Variants in DNAH8 observed in about 807,000 individuals in gnomAD.
The protein encoded by DNAH8 is axonemal beta dynein heavy chain 8.
In DNAH8, 382 loss-of-function variants were observed where a neutral mutation model predicts 562.1. The ratio of observed to expected loss-of-function variants is 0.68; its 90% CI spans 0.63 to 0.74. The LOEUF (loss-of-function observed/expected upper bound fraction) is 0.74. DNAH8 is among the 30% of genes least tolerant of loss of function. The probability of loss-of-function intolerance (pLI) is 0.00; values close to 1 mark genes in which losing one functional copy is unlikely to be tolerated. For missense variants in DNAH8, 5,203 were observed against 5,620.4 expected, an observed-to-expected ratio of 0.93 and a Z score of 2.37; for synonymous variants, 1,881 against 1,919.4, an observed-to-expected ratio of 0.98 and a Z score of 0.52.
intron 41 of DNAH8, among the ~76,000 whole-genome samples, chr6:38,855,555 TGA>T (rs2150397309): frequency 6.6e-6 from 1 of 152,318 alleles, no homozygotes; most frequent in African/African-American, 2.4e-5. Context: ...GGGTGCATAG[TGA>T]TGTTTTGATG....
At position 38,990,144 on chromosome 6, in the gene DNAH8, T is replaced by C; in HGVS notation, c.13186T>C (p.Phe4396Leu). The C allele has an allele frequency of 6.2e-7, 1 of 1,611,940 alleles. No homozygotes were observed. Among genetic ancestry groups the C allele is most frequent in the Non-Finnish European group, 8.5e-7 (1 of 1,178,540 alleles). ...SLPSLDNPEV[F>L]GLHPNADITY... is the part of the protein sequence containing the mutation. ...GCCATCCCTAGATAACCCTGAAGTC[T>C]TTGGGCTTCACCCTAATGCTGATAT... The change falls in exon 88 of 93, where the codon TTT becomes CTT. Residue 4396 changes from phenylalanine (F) to leucine (L), a missense_variant. This residue lies in a region of DNAH8 where 1,399 missense variants were observed against 1,518.4 expected (regional missense o/e 0.92). Transcript: ENST00000327475.
At chr6:38,945,742 T>C (rs963219239) in intron 80 of DNAH8, among the ~76,000 whole-genome samples, 154 bp downstream of exon 80, 2 of 152,198 alleles carry the variant, frequency 1.3e-5, no homozygotes, top group African/African-American at 4.8e-5. Context: ...GGGAGAGATC[T>C]TGGACAGATG....
intron 74 of DNAH8, among the ~76,000 whole-genome samples, chr6:38,927,440 A>G (rs1261896865): frequency 6.6e-6 from 1 of 152,202 alleles, no homozygotes; most frequent in Admixed American, 6.5e-5. Context: ...TATGTTTACT[A>G]AGAAAACCCA....
At chr6:38,734,325 G>GACC (rs1763903711) in intron 4 of DNAH8, 149 bp from the exon 5 acceptor site, 3 of 594,352 alleles carry the variant, frequency 5.0e-6, no homozygotes, top group Non-Finnish European at 4.5e-6. Flanking sequence ...TCTTCTAGTA[G>GACC]ACCCCCCCCC....
intron 26 of DNAH8, among the ~76,000 whole-genome samples, chr6:38,819,489 G>A (rs1772615607): frequency 6.6e-6 from 1 of 152,024 alleles, no homozygotes; most frequent in African/African-American, 2.4e-5. Flanking sequence ...CCCACACATA[G>A]ACTTAAATAC....
chr6:39,020,615 A>G (rs1324410340), intron 91 of DNAH8, among the ~76,000 whole-genome samples: 2 of 152,054 alleles, frequency 1.3e-5, no homozygotes, highest in Admixed American at 6.5e-5. Flanking sequence ...TGCTGCACCT[A>G]TCATCTAGGT....
Position 38,875,620 on chromosome 6 carries a change from C to T in DNAH8, c.7650C>T (p.Pro2550=), listed in dbSNP as rs775488249. Reference sequence around the variant, plus strand: ...TCAATCTTCTGGAAGGGTTAATTCCCTCCAAAGAAGAAGGCGGTGTTTCCT... The same window carrying T: ...TCAATCTTCTGGAAGGGTTAATTCCTTCCAAAGAAGAAGGCGGTGTTTCCT... The part of the protein sequence containing the change: ...QSLNLLEGLI[P]SKEEGGVSCV... Residue 2550 remains proline, a synonymous_variant, in exon 53 of 93, where the codon CCC becomes CCT. Transcript: ENST00000327475. 113 of 1,611,660 alleles carry T rather than the reference C, an allele frequency of 7.0e-5. No individual in the cohort carries two copies. Among genetic ancestry groups the T allele is most frequent in the Non-Finnish European group, 9.3e-5 (110 of 1,178,408 alleles).
chr6:38,984,477 C>G (rs1023253209), intron 87 of DNAH8, 170 bp downstream of exon 87: 5 of 557,896 alleles, frequency 9.0e-6, no homozygotes, highest in Non-Finnish European at 1.6e-5. Context: ...CATGCACACA[C>G]ACACACACAC....
Position 38,827,743 on chromosome 6 carries a change from T to A in DNAH8, c.4084-441T>A, listed in dbSNP as rs1773484606. ...TAATTCTTTACCAAACTTTTTTTTTTTTTTTTTTTTTTTTTTTTTTTTTTT... is the reference window on the plus strand; with the variant it reads ...TAATTCTTTACCAAACTTTTTTTTTATTTTTTTTTTTTTTTTTTTTTTTTT... On this transcript the variant is annotated intron_variant, in intron 29 of 92. Transcript: ENST00000327475. Among the ~76,000 whole-genome samples the A allele has an allele frequency of 8.0e-5, 6 of 75,412 alleles. 2 individuals are homozygous for A. Among genetic ancestry groups the A allele is most frequent in the Admixed American group, 3.2e-4 (2 of 6,154 alleles). 49.5% of individuals were successfully genotyped at this position (75,412 alleles called of 152,430 possible).
At chr6:38,955,870 A>C (rs1762211815) in intron 82 of DNAH8, among the ~76,000 whole-genome samples, 1 of 152,208 alleles carries the variant, frequency 6.6e-6, no homozygotes, top group African/African-American at 2.4e-5. Context: ...TTTTGAGAGC[A>C]CAAACTGACA....
chr6:38,839,197 A>T (rs1449224323), intron 33 of DNAH8, among the ~76,000 whole-genome samples: 2 of 152,174 alleles, frequency 1.3e-5, no homozygotes, highest in African/African-American at 4.8e-5. Flanking sequence ...GGTGACTGTG[A>T]TGCACACTCA....
chr6:38,873,259 A>G lies in DNAH8; in HGVS notation c.7503A>G (p.Ala2501=), dbSNP rs1000527678. Residue 2501 remains alanine, a synonymous_variant, in exon 52 of 93, where the codon GCA becomes GCG. Transcript: ENST00000327475. ...AGGCATGGTTGAAGAAACGCACTGCACAGGAAGCTGCTGTATTCCTGACAC... is the reference window on the plus strand; with the variant it reads ...AGGCATGGTTGAAGAAACGCACTGCGCAGGAAGCTGCTGTATTCCTGACAC... ...ILQAWLKKRT[A]QEAAVFLTLY... The G allele has an allele frequency of 1.2e-6, 2 of 1,613,598 alleles. No homozygotes were observed. The highest frequency in any genetic ancestry group is 1.7e-6 in the Non-Finnish European group (2 of 1,179,932).
At chr6:39,008,289 C>G (rs534077043) in intron 88 of DNAH8, among the ~76,000 whole-genome samples, 1 of 151,832 alleles carries the variant, frequency 6.6e-6, no homozygotes. Context: ...CAGGTGGAGC[C>G]GATGGGCGTC....
Position 38,842,503 on chromosome 6 carries a change from C to T in DNAH8, c.4602C>T (p.Asn1534=). The part of the protein sequence containing the change: ...KINAELLEFQ[N]RCRKLPKGLK... The stretch of plus-strand genomic sequence containing the variant: ...ATGCAGAACTGCTGGAATTTCAAAA[C>T]AGGTGAGTTTCAATGGAATTTTTTA... Residue 1534 remains asparagine (N), a splice_region_variant and synonymous_variant, in exon 34 of 93, where the codon AAC becomes AAT. Coordinates refer to ENST00000327475, the MANE Select transcript of DNAH8 (RefSeq NM_001206927.2). 1.2e-6 allele frequency: 2 copies of T among 1,610,058 alleles called. No individual in the cohort carries two copies.
Position 38,973,738 on chromosome 6 carries a change from T to C in DNAH8, c.12603T>C (p.Thr4201=). ...MEELLETLIT[T]EASDDSFRVW... ...AATTACTAGAGACGCTAATTACCAC[T>C]GAAGCCAGTGATGATTCTTTCCGAG... The change falls in exon 84 of 93, where the codon ACT becomes ACC. Residue 4201 remains threonine, a synonymous_variant. Transcript: ENST00000327475. 6.2e-7 allele frequency: 1 copy of C among 1,611,024 alleles called. No individual in the cohort carries two copies. Among genetic ancestry groups the C allele is most frequent in the Non-Finnish European group, 8.5e-7 (1 of 1,178,744 alleles).
At chr6:38,924,598 T>C (rs1781967259) in intron 73 of DNAH8, among the ~76,000 whole-genome samples, 1 of 152,220 alleles carries the variant, frequency 6.6e-6, no homozygotes, top group African/African-American at 2.4e-5. Context: ...AAAAATAATT[T>C]TCTTTATGGT....
intron 53 of DNAH8, among the ~76,000 whole-genome samples, chr6:38,882,120 A>G (rs1778542491): frequency 6.6e-6 from 1 of 152,102 alleles, no homozygotes; most frequent in African/African-American, 2.4e-5. Flanking sequence ...GGGAATGTAA[A>G]TTAGTGCAGC....
chr6:38,906,068 C>CT (rs887339775), intron 62 of DNAH8, among the ~76,000 whole-genome samples, 186 bp from the exon 63 acceptor site: 36 of 146,312 alleles, frequency 2.5e-4, no homozygotes, highest in East Asian at 9.9e-4. Context: ...ACACACTTGG[C>CT]TTTTTTTTTT....
At chr6:38,784,652 T>C (rs944547708) in intron 17 of DNAH8, among the ~76,000 whole-genome samples, 1 of 152,236 alleles carries the variant, frequency 6.6e-6, no homozygotes, top group Non-Finnish European at 1.5e-5. Flanking sequence ...GTGCTCACCA[T>C]GTGCCAGGCT....
Sources: allele counts gnomAD v4.1 joint callset (sites outside exome capture counted in the v4.1 genomes callset), GRCh38; gene constraint gnomAD v4.1.1; regional missense constraint gnomAD v4.1.1; transcripts MANE v1.5; gene names NCBI Gene and HGNC (gene_info 2026-07-23, HGNC 2026-07-21).